QSOX1: variants seen among roughly 807,000 people sequenced by gnomAD.
QSOX1 encodes sulfhydryl oxidase 1.
In QSOX1, 40 loss-of-function variants were observed where a neutral mutation model predicts 76.1. The observed-to-expected ratio is 0.53, with a 90% confidence interval of 0.41 to 0.68. The LOEUF is 0.68. Among genes scored for constraint, QSOX1 ranks in the 30% least tolerant of loss-of-function variants. The pLI is 0.00. For synonymous variants in QSOX1, 392 were observed against 413.1 expected (o/e 0.95, Z 0.62); for missense variants, 931 against 974.3 (o/e 0.96, Z 0.59).
At chr1:180,185,712 A>G (rs569859935) in intron 7 of QSOX1, among the ~76,000 whole-genome samples, 15 of 152,298 alleles carry the variant, frequency 9.8e-5, no homozygotes, top group Non-Finnish European at 1.6e-4. Flanking sequence ...AGTGAGTTGC[A>G]GGAGGGGTGG....
intron 9 of QSOX1, 102 bp from the exon 10 acceptor site, chr1:180,190,331 G>T: frequency 7.6e-7 from 1 of 1,317,860 alleles, no homozygotes; most frequent in Non-Finnish European, 1.1e-6. Flanking sequence ...GATAGACTGA[G>T]GGACCTCATT....
Position 180,182,156 on chromosome 1 carries a change from G to A in QSOX1, c.607-18G>A. On this transcript the variant is annotated intron_variant, in intron 5 of 11. Coordinates refer to ENST00000367602, the MANE Select transcript of QSOX1 (RefSeq NM_002826.5). The stretch of plus-strand genomic sequence containing the variant: ...CCACCCGGTGGCCTGGCCCCCAGAT[G>A]TTCTGCTGTCCCTGCAGGTGGCTCT... 6.2e-7 allele frequency: 1 copy of A among 1,612,966 alleles called. No individual in the cohort carries two copies.
intron 7 of QSOX1, among the ~76,000 whole-genome samples, chr1:180,185,314 ACAGT>A (rs2149239699): frequency 6.6e-6 from 1 of 152,316 alleles, no homozygotes; most frequent in East Asian, 1.9e-4. Context: ...AAACTAGCTC[ACAGT>A]CAAACTGAGG....
chr1:180,182,567 C>A (rs1287094580), intron 6 of QSOX1, among the ~76,000 whole-genome samples: 1 of 152,138 alleles, frequency 6.6e-6, no homozygotes, highest in Non-Finnish European at 1.5e-5. Flanking sequence ...CCAGTGTCGC[C>A]TGCACCCTCA....
rs946935364 is a variant in QSOX1 at position 180,198,348 on chromosome 1, A to C, written c.*1311A>C. ...CTAATTCCAGCTCCTCCAGGAAGCA[A>C]GGGCTTGTTTGTCAGAGCTGCAGGG... On this transcript the variant is annotated 3_prime_UTR_variant, in exon 12 of 12. Transcript: ENST00000367602. 4.4e-6 allele frequency: 2 copies of C among 456,542 alleles called. No individual in the cohort carries two copies. Among genetic ancestry groups the C allele is most frequent in the African/African-American group, 4.0e-5 (2 of 50,056 alleles). 28.3% of individuals were successfully genotyped at this position (456,542 alleles called of 1,614,324 possible). A position where few individuals can be genotyped will look rare whatever the true frequency, so the allele number is the denominator to read the frequency against.
Position 180,186,059 on chromosome 1 carries a change from G to A in QSOX1, c.894G>A (p.Lys298=). ...PTVWKLADRS[K]IYMADLESAL... is the part of the protein sequence containing the mutation. ...TCTCCCTCTGGGTCCTCAGCTCCAA[G>A]ATCTACATGGCTGACCTGGAATCTG... Residue 298 remains lysine (K), a synonymous_variant, in exon 8 of 12, where the codon AAG becomes AAA. Transcript: ENST00000367602. 1.2e-6 allele frequency: 2 copies of A among 1,614,090 alleles called. No individual in the cohort carries two copies. The highest frequency in any genetic ancestry group is 1.1e-5 in the South Asian group (1 of 91,080).
intron 3 of QSOX1, among the ~76,000 whole-genome samples, chr1:180,175,664 C>A (rs1662870977): frequency 6.6e-6 from 1 of 152,172 alleles, no homozygotes; most frequent in Non-Finnish European, 1.5e-5. Flanking sequence ...AGAGAGCAGA[C>A]CAGAGCCCTT....
Position 180,194,999 on chromosome 1 carries a change from G to C in QSOX1, c.1468+607G>C, listed in dbSNP as rs7513713. Among the ~76,000 whole-genome samples the C allele has an allele frequency of 1.1e-3, 166 of 150,428 alleles. 4 individuals are homozygous for C. Among genetic ancestry groups the C allele is most frequent in the African/African-American group, 3.7e-3 (149 of 40,270 alleles). ...GCACGTGGCTGTGACAGCCTCCCGG[G>C]GGGGGGAGACCAGGGCGGAGCCGAG... On this transcript the variant is annotated intron_variant, in intron 11 of 11. Coordinates refer to ENST00000367602, the MANE Select transcript of QSOX1 (RefSeq NM_002826.5).
At chr1:180,155,998 G>T (rs72710691) in intron 1 of QSOX1, among the ~76,000 whole-genome samples, 3,692 of 152,268 alleles carry the variant, frequency 0.024, 74 homozygotes, top group Middle Eastern at 0.061. Context: ...ACAGCCCAAG[G>T]GGTAGAAGGA....
At chr1:180,162,593 G>A (rs988563699) in intron 1 of QSOX1, among the ~76,000 whole-genome samples, 1 of 152,082 alleles carries the variant, frequency 6.6e-6, no homozygotes, top group East Asian at 1.9e-4. Context: ...TAAAAAATTA[G>A]CCAGGTGTGG....
rs568521041 is a variant in QSOX1, at chr1:180,198,783, GAGAC to G, written c.*1753_*1756del. On this transcript the variant is annotated 3_prime_UTR_variant, in exon 12 of 12. Coordinates refer to ENST00000367602, the MANE Select transcript of QSOX1 (RefSeq NM_002826.5). ...GGGCTGGCCCTGGCTGGGGGCCTGA[GAGAC>G]AGACAGGAACCCACAATCAGGAGGC... The G allele has an allele frequency of 1.9e-3, 453 of 233,932 alleles. No homozygotes were observed. The highest frequency in any genetic ancestry group is 4.9e-3 in the Admixed American group (98 of 19,932). The allele number at this position is 233,932 out of a possible 1,614,324, so 14.5% of individuals were successfully genotyped here.
chr1:180,166,571 C>T lies in QSOX1; in HGVS notation c.346C>T (p.Pro116Ser), dbSNP rs1662634525. 1 of 1,614,080 alleles carries T rather than the reference C, an allele frequency of 6.2e-7. No individual in the cohort carries two copies. Among genetic ancestry groups the T allele is most frequent in the African/African-American group, 1.3e-5 (1 of 75,058 alleles). Residue 116 changes from proline to serine, a missense_variant, in exon 2 of 12, where the codon CCT becomes TCT. By Grantham distance (74) the Pro-to-Ser change is moderately conservative. Coordinates refer to ENST00000367602, the MANE Select transcript of QSOX1 (RefSeq NM_002826.5). ...TGCAGTCTGCAGAGACTTCAACATC[C>T]CTGGCTTCCCGACTGTGAGGGTGTG... Reference protein sequence around the residue: ...NSAVCRDFNIPGFPTVRFFKA... With the variant: ...NSAVCRDFNISGFPTVRFFKA...
chr1:180,197,045 GGGGA>G lies in QSOX1; in HGVS notation c.*11_*14del. The G allele has an allele frequency of 1.9e-6, 3 of 1,598,630 alleles. No individual in the cohort carries two copies. In the South Asian group the frequency reaches 3.4e-5, roughly 18 times the overall value. On this transcript the variant is annotated 3_prime_UTR_variant, in exon 12 of 12. Coordinates refer to ENST00000367602, the MANE Select transcript of QSOX1 (RefSeq NM_002826.5). Reference sequence around the variant, plus strand: ...GGCCACCCTGCAGCCTGAACCACCTGGGGAGGAGGCGGGAGAGGGAGCTGCCATC... The same window carrying G: ...GGCCACCCTGCAGCCTGAACCACCTGGGAGGCGGGAGAGGGAGCTGCCATC...
intron 1 of QSOX1, among the ~76,000 whole-genome samples, chr1:180,156,820 G>A (rs1048964465): frequency 3.9e-5 from 6 of 152,120 alleles, no homozygotes; most frequent in African/African-American, 1.4e-4. Context: ...CCTAAGATAA[G>A]GTAATCTCAG....
In QSOX1 at chr1:180,202,517, C is replaced by T. The variant is rs1435244082; in HGVS notation, c.*5480C>T. On this transcript the variant is annotated 3_prime_UTR_variant, in exon 12 of 12. Coordinates refer to ENST00000367602, the MANE Select transcript of QSOX1 (RefSeq NM_002826.5). ...GCAATGTCCCCATCAAGTTCTTAAC[C>T]ATCCCGGGTTCCAATGGTTACAGAG... is the stretch of plus-strand genomic sequence containing the variant. The T allele has an allele frequency of 6.6e-6, 1 of 152,134 alleles. No homozygotes were observed. Among genetic ancestry groups the T allele is most frequent in the Non-Finnish European group, 1.5e-5 (1 of 68,016 alleles). The allele number at this position is 152,134 out of a possible 1,614,324, so 9.4% of individuals were successfully genotyped here.
chr1:180,174,701 G>A (rs1209618612), intron 2 of QSOX1, among the ~76,000 whole-genome samples: 3 of 152,178 alleles, frequency 2.0e-5, no homozygotes, highest in Admixed American at 6.5e-5. Flanking sequence ...TACATGCTAG[G>A]TACTGTGCTG....
At chr1:180,183,639 C>T (rs923272660) in intron 6 of QSOX1, among the ~76,000 whole-genome samples, 2 of 152,160 alleles carry the variant, frequency 1.3e-5, no homozygotes, top group East Asian at 3.9e-4. Flanking sequence ...CAGAGGGCCA[C>T]TGGGGGAATT....
intron 11 of QSOX1, among the ~76,000 whole-genome samples, chr1:180,194,806 G>A (rs1055980078): frequency 2.0e-5 from 3 of 152,158 alleles, no homozygotes; most frequent in Non-Finnish European, 2.9e-5. Context: ...ACCAGGCACC[G>A]GCTCCCAGGA....
At chr1:180,159,269 C>T (rs1662440716) in intron 1 of QSOX1, among the ~76,000 whole-genome samples, 2 of 152,248 alleles carry the variant, frequency 1.3e-5, no homozygotes, top group Admixed American at 6.5e-5. Flanking sequence ...AGTAGTAGAG[C>T]TAGACTGATA....
Sources: allele counts gnomAD v4.1 joint callset (sites outside exome capture counted in the v4.1 genomes callset), GRCh38; gene constraint gnomAD v4.1.1; transcripts MANE v1.5; gene names NCBI Gene and HGNC (gene_info 2026-07-23, HGNC 2026-07-21).